The following TMEM38A variants were observed in gnomAD, a reference collection of about 807,000 sequenced individuals.
TMEM38A encodes the protein trimeric intracellular cation channel type A.
A neutral mutation model predicts 28.6 loss-of-function variants in TMEM38A; 17 were observed. That is an observed-to-expected ratio of 0.60 (90% CI 0.41 to 0.89). TMEM38A has a LOEUF of 0.89. Among genes scored for constraint, TMEM38A ranks in the 40% least tolerant of loss-of-function variants. The pLI is 0.00. For missense variants in TMEM38A, 328 were observed against 393.1 expected (o/e 0.83, Z 1.40); for synonymous variants, 169 against 166.1 (o/e 1.02, Z -0.14).
intron 1 of TMEM38A, among the ~76,000 whole-genome samples, chr19:16,667,278 G>GA (rs2086707414): frequency 1.5e-5 from 2 of 129,144 alleles, no homozygotes; most frequent in African/African-American, 8.1e-5. Flanking sequence ...CTCCATTTCA[G>GA]GAAAAAAAAA....
intron 1 of TMEM38A, among the ~76,000 whole-genome samples, chr19:16,677,919 A>G (rs542954925): frequency 6.6e-6 from 1 of 152,256 alleles, no homozygotes; most frequent in African/African-American, 2.4e-5. Flanking sequence ...TATGCTCAAT[A>G]AGCCACACAA....
At chr19:16,664,942 C>T (rs1285261133) in intron 1 of TMEM38A, among the ~76,000 whole-genome samples, 2 of 152,108 alleles carry the variant, frequency 1.3e-5, no homozygotes, top group Non-Finnish European at 2.9e-5. Context: ...TGGAAGATTG[C>T]TTGAGGCCAG....
chr19:16,688,305 G>T lies in TMEM38A; in HGVS notation c.834G>T (p.Met278Ile). The change falls in exon 6 of 6, where the codon ATG becomes ATT. Residue 278 changes from methionine (M) to isoleucine (I), a missense_variant. Physicochemically the swap from Met to Ile is conservative, Grantham distance 10. Coordinates refer to ENST00000187762, the MANE Select transcript of TMEM38A (RefSeq NM_024074.4). ...GGCCAGGAGCTCAGCATTCGGCCAT[G>T]CCCGCCAAGTCCAAGGAGGAGTTGA... ...GGGPGAQHSA[M>I]PAKSKEELSE... The T allele has an allele frequency of 6.2e-7, 1 of 1,609,786 alleles. No homozygotes were observed.
Position 16,688,141 on chromosome 19 carries a change from C to G in TMEM38A, c.673-3C>G. 1 of 1,437,394 alleles carries G rather than the reference C, an allele frequency of 7.0e-7. No homozygotes were observed. Among genetic ancestry groups the G allele is most frequent in the Non-Finnish European group, 9.2e-7 (1 of 1,087,134 alleles). The allele number at this position is 1,437,394 out of a possible 1,614,324, so 89.0% of individuals were successfully genotyped here. On this transcript the variant is annotated splice_polypyrimidine_tract_variant and splice_region_variant and intron_variant, in intron 5 of 5. Coordinates refer to ENST00000187762, the MANE Select transcript of TMEM38A (RefSeq NM_024074.4). Reference sequence around the variant, plus strand: ...TGCTGTCTCCCTGGCCACCCCACCTCAGGTGTTTCTGACAGCCACCCACTC... The same window carrying G: ...TGCTGTCTCCCTGGCCACCCCACCTGAGGTGTTTCTGACAGCCACCCACTC...
chr19:16,668,537 G>A (rs2086713269), intron 1 of TMEM38A, among the ~76,000 whole-genome samples: 2 of 149,488 alleles, frequency 1.3e-5, no homozygotes, highest in African/African-American at 2.5e-5. Context: ...TGGGGGTTCT[G>A]TTGTGTTGCC....
Position 16,688,276 on chromosome 19 carries a change from G to A in TMEM38A, c.805G>A (p.Gly269Ser). The A allele has an allele frequency of 6.2e-7, 1 of 1,608,276 alleles. No individual in the cohort carries two copies. Among genetic ancestry groups the A allele is most frequent in the Non-Finnish European group, 8.5e-7 (1 of 1,177,218 alleles). Residue 269 changes from glycine to serine, a missense_variant, in exon 6 of 6, where the codon GGT becomes AGT. Transcript: ENST00000187762. ...HDNHGGSHSG[G>S]GPGAQHSAMP... Reference sequence around the variant, plus strand: ...CAACCATGGTGGGTCCCACAGCGGTGGTGGGCCAGGAGCTCAGCATTCGGC... The same window carrying A: ...CAACCATGGTGGGTCCCACAGCGGTAGTGGGCCAGGAGCTCAGCATTCGGC...
At position 16,683,970 on chromosome 19, in the gene TMEM38A, C is replaced by CA. The variant is rs10687049; in HGVS notation, c.554+1474dup. 2.6e-3 allele frequency among the ~76,000 whole-genome samples: 349 copies of CA among 132,858 alleles called. 1 individual carries two copies. Among genetic ancestry groups the CA allele is most frequent in the Middle Eastern group, 4.7e-3 (1 of 214 alleles). The allele number at this position is 132,858 out of a possible 152,430, so 87.2% of individuals were successfully genotyped here. ...GGGCAGCAAGAGCGAAATTCCATCT[C>CA]AAAAAAAAAAAATTAACTAGGGGTG... is the stretch of plus-strand genomic sequence containing the variant. On this transcript the variant is annotated intron_variant, in intron 4 of 5. Transcript: ENST00000187762.
intron 1 of TMEM38A, among the ~76,000 whole-genome samples, chr19:16,679,385 C>G (rs1257716027): frequency 6.6e-6 from 1 of 151,604 alleles, no homozygotes; most frequent in Admixed American, 6.6e-5. Context: ...GCAGCCTCCA[C>G]CTCCTGAGTT....
rs375755387 is a variant in TMEM38A, at chr19:16,680,491, C to T, written c.376C>T (p.Arg126Ter). 7 of 1,614,048 alleles carry T rather than the reference C, an allele frequency of 4.3e-6. No homozygotes were observed. The highest frequency in any genetic ancestry group is 3.3e-4 in the Middle Eastern group (2 of 6,084). Residue 126 changes from arginine (R) to a stop codon, truncating the protein, a stop_gained, in exon 3 of 6, where the codon CGA becomes TGA. Transcript: ENST00000187762. LOFTEE classifies it high-confidence loss of function. Reference protein sequence around the residue: ...LIFVAMKEVVRVRKIAVGIHH... With the variant: ...LIFVAMKEVV ...CTTCGTGGCCATGAAGGAGGTGGTG[C>T]GAGTCCGCAAGATCGCGGTGGGCAT... is the stretch of plus-strand genomic sequence containing the variant.
In TMEM38A at chr19:16,682,523, C is replaced by A; in HGVS notation, c.554+15C>A. 1 of 1,611,562 alleles carries A rather than the reference C, an allele frequency of 6.2e-7. No homozygotes were observed. Among genetic ancestry groups the A allele is most frequent in the Non-Finnish European group, 8.5e-7 (1 of 1,177,768 alleles). ...CACATGTCTTTGTGAGTATCCCACT[C>A]CACCTCTCCCTCCATGCCTCCTGTA... is the stretch of plus-strand genomic sequence containing the variant. On this transcript the variant is annotated intron_variant, in intron 4 of 5. Coordinates refer to ENST00000187762, the MANE Select transcript of TMEM38A (RefSeq NM_024074.4).
At chr19:16,666,697 A>G (rs1214837262) in intron 1 of TMEM38A, among the ~76,000 whole-genome samples, 1 of 152,112 alleles carries the variant, frequency 6.6e-6, no homozygotes, top group Non-Finnish European at 1.5e-5. Flanking sequence ...GCTCATGCCT[A>G]TAGTCCCAGC....
intron 1 of TMEM38A, 140 bp from the exon 2 acceptor site, chr19:16,679,844 C>T: frequency 1.2e-6 from 1 of 861,148 alleles, no homozygotes; most frequent in South Asian, 2.2e-5. Context: ...CTCTCTGAAC[C>T]TTGGTTCCTC....
chr19:16,680,325 T>C, intron 2 of TMEM38A, 72 bp from the exon 3 acceptor site: 1 of 1,566,482 alleles, frequency 6.4e-7, no homozygotes, highest in Non-Finnish European at 8.8e-7. Context: ...TGGTCTGATA[T>C]AACCACAGCT....
Position 16,686,384 on chromosome 19 carries a change from C to T in TMEM38A, c.651C>T (p.Thr217=). 1.2e-6 allele frequency: 2 copies of T among 1,613,582 alleles called. No individual in the cohort carries two copies. Among genetic ancestry groups the T allele is most frequent in the Admixed American group, 1.7e-5 (1 of 60,002 alleles). Residue 217 remains threonine (T), a synonymous_variant, in exon 5 of 6, where the codon ACC becomes ACT. Coordinates refer to ENST00000187762, the MANE Select transcript of TMEM38A (RefSeq NM_024074.4). ...VSKASLIFIF[T]LFMVSCKVFL... is the part of the protein sequence containing the mutation. ...AAGCCAGCCTCATCTTCATCTTCAC[C>T]TTGTTCATGGTGTCCTGTAAGGTAA... is the stretch of plus-strand genomic sequence containing the variant.
intron 1 of TMEM38A, among the ~76,000 whole-genome samples, chr19:16,678,427 C>CAAAA (rs58580381): frequency 4.6e-5 from 3 of 64,770 alleles, no homozygotes; most frequent in African/African-American, 1.1e-4. Context: ...GACTCTGTCT[C>CAAAA]AAAAAAAAAA....
chr19:16,674,704 C>T (rs1221593257), intron 1 of TMEM38A, among the ~76,000 whole-genome samples: 2 of 151,910 alleles, frequency 1.3e-5, no homozygotes, highest in Non-Finnish European at 2.9e-5. Flanking sequence ...GAGGCTGAGG[C>T]AGGAGGATTG....
chr19:16,686,712 C>G (rs2249839), intron 5 of TMEM38A, among the ~76,000 whole-genome samples: 145,294 of 152,208 alleles, frequency 0.95, 69,516 homozygotes, highest in Non-Finnish European at 0.99. Flanking sequence ...GCATCAGGTA[C>G]CCAGGAACTC....
intron 3 of TMEM38A, 72 bp downstream of exon 3, chr19:16,680,653 C>G: frequency 6.6e-7 from 1 of 1,513,498 alleles, no homozygotes. Flanking sequence ...ACCAGGCACC[C>G]CAGCTAGGAA....
chr19:16,673,932 GAA>G (rs112749120), intron 1 of TMEM38A, among the ~76,000 whole-genome samples: 17 of 139,756 alleles, frequency 1.2e-4, no homozygotes, highest in African/African-American at 3.6e-4. Flanking sequence ...TACAAAAAAA[GAA>G]AAAAAAAAAA....
Sources: gnomAD v4.1 joint callset for allele counts (sites outside exome capture counted in the v4.1 genomes callset) on GRCh38, gnomAD v4.1.1 for gene constraint, MANE v1.5 for transcripts, NCBI Gene and HGNC (gene_info 2026-07-23, HGNC 2026-07-21) for gene names.